Variants in PRH1 observed in about 807,000 individuals in gnomAD.
The protein encoded by PRH1 is proline rich protein HaeIII subfamily 1.
A neutral mutation model predicts 7.9 loss-of-function variants in PRH1; 7 were observed. The ratio of observed to expected loss-of-function variants is 0.89; its 90% CI spans 0.50 to 1.67. The LOEUF (loss-of-function observed/expected upper bound fraction) is 1.67. Among genes scored for constraint, PRH1 ranks in the 40% most tolerant of loss-of-function variants. The pLI, the probability that PRH1 is intolerant of heterozygous loss-of-function variation, is 0.00. For missense variants in PRH1, 109 were observed against 223.6 expected, an observed-to-expected ratio of 0.49 and a Z score of 3.27; for synonymous variants, 45 against 80.8, an observed-to-expected ratio of 0.56 and a Z score of 2.38.
intron 1 of PRH1, chr12:11,133,956 A>G (rs377729010): frequency 3.2e-5 from 51 of 1,614,052 alleles, no homozygotes; most frequent in Non-Finnish European, 3.8e-5. Context: ...GTAGCAAGCC[A>G]GCTGCTGAAA....
At chr12:11,100,963 AT>A (rs1406394132) in intron 1 of PRH1, among the ~76,000 whole-genome samples, 1 of 152,222 alleles carries the variant, frequency 6.6e-6, no homozygotes, top group African/African-American at 2.4e-5. Flanking sequence ...TTAGAGACAC[AT>A]TTTTAATACA....
At chr12:10,898,471 AG>A (rs1160877204) in intron 2 of PRH1, among the ~76,000 whole-genome samples, 3 of 152,238 alleles carry the variant, frequency 2.0e-5, no homozygotes, top group Admixed American at 6.5e-5. Flanking sequence ...ATGCTGAAAA[AG>A]GGTTATTTTA....
intron 1 of PRH1, among the ~76,000 whole-genome samples, chr12:11,062,464 A>C (rs1019131400): frequency 2.0e-5 from 3 of 152,118 alleles, no homozygotes; most frequent in Non-Finnish European, 4.4e-5. Context: ...TCACCATGGC[A>C]TGCTAATGGG....
intron 1 of PRH1, among the ~76,000 whole-genome samples, chr12:11,127,094 C>G (rs1565679926): frequency 2.0e-5 from 3 of 152,250 alleles, no homozygotes. Context: ...TAATGTCAAA[C>G]AGGAAAGCAC....
chr12:11,129,041 G>C (rs1234332732), intron 1 of PRH1, among the ~76,000 whole-genome samples: 1 of 152,138 alleles, frequency 6.6e-6, no homozygotes, highest in Non-Finnish European at 1.5e-5. Context: ...TCCTGCCTCA[G>C]CTTCTCAACT....
intron 2 of PRH1, among the ~76,000 whole-genome samples, chr12:10,890,384 GGTGT>G (rs112808907): frequency 1.4e-3 from 208 of 150,790 alleles, no homozygotes; most frequent in African/African-American, 4.5e-3. Context: ...TCCTAACTTT[GGTGT>G]GTGTGTGTGT....
Position 10,938,602 on chromosome 12 carries a change from G to A in PRH1, c.-59+35053C>T, listed in dbSNP as rs1363974035. 8 of 1,613,838 alleles carry A rather than the reference G, an allele frequency of 5.0e-6. No homozygotes were observed. The Middle Eastern group carries it at 6.6e-4, about 133-fold the overall frequency. ...TCTTGCGATGTTTCCACATGGAGAAGATGAGGAGAAGAAACATTGCCAGGG... is the reference window on the plus strand; with the variant it reads ...TCTTGCGATGTTTCCACATGGAGAAAATGAGGAGAAGAAACATTGCCAGGG... On this transcript the variant is annotated intron_variant, in intron 2 of 3. Transcript: ENST00000539853.
At chr12:11,128,118 A>AAAAAAAAG (rs1471199624) in intron 1 of PRH1, among the ~76,000 whole-genome samples, 4 of 151,068 alleles carry the variant, frequency 2.6e-5, no homozygotes, top group Non-Finnish European at 5.9e-5. Flanking sequence ...CTCAAAAAAA[A>AAAAAAAAG]AAAAAAGAAA....
intron 1 of PRH1, among the ~76,000 whole-genome samples, chr12:11,086,049 T>C (rs796300978): frequency 0.38 from 33,111 of 88,178 alleles, 7,003 homozygotes; most frequent in Non-Finnish European, 0.48. Context: ...CTGGTTGCTG[T>C]TAACTAATAG....
At chr12:11,099,727 G>A (rs989172522) in intron 1 of PRH1, among the ~76,000 whole-genome samples, 1 of 152,094 alleles carries the variant, frequency 6.6e-6, no homozygotes, top group East Asian at 1.9e-4. Context: ...ACACACAAAT[G>A]AAATCCAAAG....
chr12:11,044,767 C>G (rs1276389998), intron 1 of PRH1, among the ~76,000 whole-genome samples: 1 of 152,154 alleles, frequency 6.6e-6, no homozygotes, highest in Non-Finnish European at 1.5e-5. Flanking sequence ...GATATCATCT[C>G]AACCCCGTTA....
At chr12:10,888,207 T>C (rs1241509527), upstream of PRH1, among the ~76,000 whole-genome samples, 1 of 152,210 alleles carries the variant, frequency 6.6e-6, no homozygotes, top group African/African-American at 2.4e-5. Flanking sequence ...TATGGTTACA[T>C]TGAGTCCACC....
chr12:11,109,232 G>A (rs1242945864), intron 1 of PRH1, among the ~76,000 whole-genome samples: 1 of 152,212 alleles, frequency 6.6e-6, no homozygotes. Flanking sequence ...AGGGGCAGCT[G>A]TGGGAGCAGC....
intron 1 of PRH1, among the ~76,000 whole-genome samples, chr12:11,062,629 A>T (rs1419585006): frequency 6.6e-6 from 1 of 152,118 alleles, no homozygotes; most frequent in African/African-American, 2.4e-5. Flanking sequence ...GCAAACAAGG[A>T]CATATTCACT....
At chr12:10,974,826 GAA>G (rs1219632271) in intron 1 of PRH1, among the ~76,000 whole-genome samples, 1 of 152,146 alleles carries the variant, frequency 6.6e-6, no homozygotes, top group African/African-American at 2.4e-5. Context: ...ATAGAATTCA[GAA>G]TATGGATGGG....
At chr12:10,928,654 G>A (rs1467587928) in intron 2 of PRH1, among the ~76,000 whole-genome samples, 5 of 152,182 alleles carry the variant, frequency 3.3e-5, no homozygotes, top group African/African-American at 7.2e-5. Context: ...AGGAGGCTGC[G>A]GGGCAGCCTT....
chr12:10,931,246 T>A (rs1177825466), intron 2 of PRH1: 2 of 1,415,208 alleles, frequency 1.4e-6, no homozygotes, highest in African/African-American at 2.9e-5. Flanking sequence ...GATCTTGTTT[T>A]TAAACAATCT....
chr12:11,135,506 A>G (rs931132538), intron 1 of PRH1, among the ~76,000 whole-genome samples: 1 of 48,290 alleles, frequency 2.1e-5, no homozygotes, highest in African/African-American at 5.9e-5. Context: ...GAGCTATCCA[A>G]CAAACCCATT....
rs1294780544 is a variant in PRH1, at chr12:10,940,221, CACACACAA to C, written c.-59+33426_-59+33433del. 2.0e-5 allele frequency among the ~76,000 whole-genome samples: 3 copies of C among 152,128 alleles called. No individual in the cohort carries two copies. The East Asian group carries it at 5.8e-4, about 29-fold the overall frequency. The stretch of plus-strand genomic sequence containing the variant: ...TACATGCCCAGCAAACATGCGCGCA[CACACACAA>C]ACACACAAACGCATACATTTATTTG... On this transcript the variant is annotated intron_variant, in intron 2 of 3. Transcript: ENST00000539853.
Sources: gnomAD v4.1 joint callset for allele counts (sites outside exome capture counted in the v4.1 genomes callset) on GRCh38, gnomAD v4.1.1 for gene constraint, MANE v1.5 for transcripts, NCBI Gene and HGNC (gene_info 2026-07-23, HGNC 2026-07-21) for gene names.